Variants in DLG3 observed in about 807,000 individuals in gnomAD.
DLG3 encodes disks large homolog 3.
In DLG3, 1 loss-of-function variant was observed where a neutral mutation model predicts 64.1. The ratio of observed to expected loss-of-function variants is 0.02; its 90% CI spans 0.01 to 0.07. DLG3 has a LOEUF of 0.07. Among genes scored for constraint, DLG3 ranks in the 10% least tolerant of loss-of-function variants. DLG3 has a pLI of 1.00. For missense variants in DLG3, 429 were observed against 669.5 expected (o/e 0.64, Z 3.96); for synonymous variants, 245 against 259.8 (o/e 0.94, Z 0.55).
chrX:70,463,341 T>C (rs1348950161), intron 9 of DLG3, among the ~76,000 whole-genome samples: 2 of 110,176 alleles, frequency 1.8e-5, no homozygotes, highest in Admixed American at 9.8e-5. Flanking sequence ...GAGATGAGGG[T>C]TCATCATGTT....
At chrX:70,492,333 T>C (rs1419378120) in intron 11 of DLG3, 50 bp downstream of exon 11, 4 of 1,197,712 alleles carry the variant, frequency 3.3e-6, no homozygotes, top group South Asian at 1.8e-5. Context: ...CTTGCTGGTA[T>C]TTCTTTCTTG....
At chrX:70,459,980 A>G (rs1374520962) in intron 9 of DLG3, among the ~76,000 whole-genome samples, 1 of 111,218 alleles carries the variant, frequency 9.0e-6, no homozygotes, top group Non-Finnish European at 1.9e-5. Context: ...GCTGTCAACA[A>G]ATGCAGTATA....
intron 1 of DLG3, among the ~76,000 whole-genome samples, chrX:70,445,866 T>C (rs1349801115): frequency 2.8e-5 from 2 of 72,173 alleles, no homozygotes; most frequent in African/African-American, 5.4e-5. Flanking sequence ...TGTCTCTGTG[T>C]CTGGCAGGGG....
intron 9 of DLG3, among the ~76,000 whole-genome samples, chrX:70,463,441 C>G (rs2086837642): frequency 9.0e-6 from 1 of 111,008 alleles, no homozygotes; most frequent in African/African-American, 3.3e-5. Context: ...GCCACTGTGC[C>G]AAGCCTGAGA....
intron 1 of DLG3, among the ~76,000 whole-genome samples, chrX:70,446,720 G>C (rs996202462): frequency 2.7e-5 from 3 of 113,036 alleles, no homozygotes; most frequent in Non-Finnish European, 3.8e-5. Context: ...AATGGAGGCT[G>C]GGCTGGCAGA....
At chrX:70,497,335 C>T in intron 13 of DLG3, 1 of 765,889 alleles carries the variant, frequency 1.3e-6, no homozygotes, top group South Asian at 2.2e-5. Flanking sequence ...TTCTTTTAGC[C>T]ATGTACACTT....
chrX:70,459,422 C>T (rs1217762338), intron 9 of DLG3, among the ~76,000 whole-genome samples: 1 of 112,298 alleles, frequency 8.9e-6, no homozygotes, highest in Non-Finnish European at 1.9e-5. Context: ...TCTATCTCCC[C>T]CTTTTTGAGA....
At chrX:70,452,430 C>T (rs2086629215) in intron 7 of DLG3, 1 of 954,920 alleles carries the variant, frequency 1.0e-6, no homozygotes, top group African/African-American at 2.1e-5. Context: ...CTCTGACCGG[C>T]CCGGTGGCCT....
intron 10 of DLG3, among the ~76,000 whole-genome samples, chrX:70,490,668 T>C (rs1278761045): frequency 8.9e-6 from 1 of 112,313 alleles, no homozygotes; most frequent in Non-Finnish European, 1.9e-5. Flanking sequence ...TATGGTAAGA[T>C]AGTGTGTTTT....
At position 70,453,438 on chromosome X, in the gene DLG3, G is replaced by A. The variant is rs895453489; in HGVS notation, c.1146-199G>A. On this transcript the variant is annotated intron_variant, in intron 7 of 18. Coordinates refer to ENST00000374360, the MANE Select transcript of DLG3 (RefSeq NM_021120.4). ...CTGCAAGCCCTCGGGAAGAAGGGAG[G>A]GAAGAGGAACTGAAACTTGGCACCT... The A allele has an allele frequency of 1.0e-5, 5 of 499,513 alleles. No homozygotes were observed. In the Admixed American group the frequency reaches 2.1e-4, roughly 21 times the overall value. 41.2% of individuals were successfully genotyped at this position (499,513 alleles called of 1,213,427 possible).
intron 1 of DLG3, 88 bp from the exon 2 acceptor site, chrX:70,448,825 T>G: frequency 9.2e-7 from 1 of 1,089,385 alleles, no homozygotes. Context: ...TTCTACTCTG[T>G]GGGAGTAGGG....
At chrX:70,450,450 A>G in intron 5 of DLG3, 145 bp downstream of exon 5, 1 of 941,457 alleles carries the variant, frequency 1.1e-6, no homozygotes, top group Non-Finnish European at 1.5e-6. Context: ...TTGCCCAGAT[A>G]CAAAGGCCCT....
At chrX:70,491,125 C>T (rs1259594460) in intron 10 of DLG3, among the ~76,000 whole-genome samples, 1 of 111,234 alleles carries the variant, frequency 9.0e-6, no homozygotes, top group South Asian at 3.8e-4. Flanking sequence ...ATTGGCCAGG[C>T]TGCTCTTGAA....
chrX:70,502,408 G>T lies in DLG3; in HGVS notation c.*139G>T. 1.3e-5 allele frequency: 6 copies of T among 463,904 alleles called. No individual in the cohort carries two copies. Among genetic ancestry groups the T allele is most frequent in the South Asian group, 3.4e-5 (1 of 29,023 alleles). The allele number at this position is 463,904 out of a possible 1,213,427, so 38.2% of individuals were successfully genotyped here. ...TTTTAGATATGTCAAAAAAAATTAAGTTTTCTAGTCCTGTTCTTTTTTTTT... is the reference window on the plus strand; with the variant it reads ...TTTTAGATATGTCAAAAAAAATTAATTTTTCTAGTCCTGTTCTTTTTTTTT... On this transcript the variant is annotated 3_prime_UTR_variant, in exon 19 of 19. Coordinates refer to ENST00000374360, the MANE Select transcript of DLG3 (RefSeq NM_021120.4).
chrX:70,464,704 C>T (rs898282974), intron 9 of DLG3, among the ~76,000 whole-genome samples: 15 of 111,740 alleles, frequency 1.3e-4, no homozygotes, highest in African/African-American at 4.2e-4. Context: ...GCCTGTAATT[C>T]CAGCACTTTG....
At chrX:70,490,254 C>T (rs1196288611) in intron 10 of DLG3, among the ~76,000 whole-genome samples, 1 of 112,104 alleles carries the variant, frequency 8.9e-6, no homozygotes, top group African/African-American at 3.2e-5. Context: ...TATATTTGTT[C>T]TAATCTTTGA....
intron 9 of DLG3, among the ~76,000 whole-genome samples, chrX:70,472,568 GA>G (rs769473818): frequency 3.7e-5 from 4 of 108,550 alleles, no homozygotes; most frequent in Non-Finnish European, 7.7e-5. Flanking sequence ...AAAAGAAAAA[GA>G]AAAAAAAAGA....
intron 9 of DLG3, 113 bp downstream of exon 9, chrX:70,454,429 G>A: frequency 1.6e-6 from 1 of 632,905 alleles, no homozygotes; most frequent in East Asian, 3.5e-5. Context: ...CTTCTACCTA[G>A]AGCAGTAACC....
At chrX:70,497,336 A>C (rs920794926) in intron 13 of DLG3, 5 of 764,341 alleles carry the variant, frequency 6.5e-6, no homozygotes, top group Non-Finnish European at 1.0e-5. Context: ...TCTTTTAGCC[A>C]TGTACACTTT....
Sources: allele counts gnomAD v4.1 joint callset (sites outside exome capture counted in the v4.1 genomes callset), GRCh38; gene constraint gnomAD v4.1.1; transcripts MANE v1.5; gene names NCBI Gene and HGNC (gene_info 2026-07-23, HGNC 2026-07-21).